The following AATK variants were observed in gnomAD, a reference collection of about 807,000 sequenced individuals.
The protein encoded by AATK is lemur tail kinase 1.
AATK carries 91 observed loss-of-function variants against 114.3 expected under a neutral mutation model. That is an observed-to-expected ratio of 0.80 (90% CI 0.67 to 0.95). AATK has a LOEUF of 0.95. Ranked by LOEUF, AATK falls within the 40% of genes least tolerant of loss-of-function variation. AATK has a pLI of 0.00. For missense variants in AATK, 2,176 were observed against 1,965.2 expected (o/e 1.11, Z -2.03); for synonymous variants, 1,075 against 916.5 (o/e 1.17, Z -3.12).
rs1157588366 is a variant in AATK at position 81,117,557 on chromosome 17, AGCCCCCCAACACTGACTGCGGGGCATG to A, written c.*818_*844del. The A allele has an allele frequency of 2.6e-5, 4 of 152,230 alleles. No homozygotes were observed. The highest frequency in any genetic ancestry group is 2.6e-4 in the Admixed American group (4 of 15,280). 9.4% of individuals were successfully genotyped at this position (152,230 alleles called of 1,614,324 possible). A position where few individuals can be genotyped will look rare whatever the true frequency, so the allele number is the denominator to read the frequency against. Reference sequence around the variant, plus strand: ...CACCATCCCTCTCCCTGTAGGTAGGAGCCCCCCAACACTGACTGCGGGGCATGGCCCCCACTCTCCTTTGGCAGCTGG... The same window carrying A: ...CACCATCCCTCTCCCTGTAGGTAGGAGCCCCCACTCTCCTTTGGCAGCTGG... On this transcript the variant is annotated 3_prime_UTR_variant, in exon 14 of 14. Coordinates refer to ENST00000326724, the MANE Select transcript of AATK (RefSeq NM_001080395.3).
intron 1 of AATK, among the ~76,000 whole-genome samples, chr17:81,143,465 CCCCTTGTGTCCACGCAG>C (rs1567821378): frequency 3.0e-4 from 31 of 102,252 alleles, no homozygotes; most frequent in Non-Finnish European, 5.5e-4. Flanking sequence ...GCAGCCCCCA[CCCCTTGTGTCCACGCAG>C]CCCCTGCCTC....
Position 81,120,533 on chromosome 17 carries a change from C to G in AATK, c.3403G>C (p.Gly1135Arg). ...SGPAPQKRMG[G>R]PGTPRAPLRL... ...AGTGGGGCTCTGGGGGTGCCTGGGCCCCCCATCCGCTTTTGTGGGGCCGGC... is the reference window on the plus strand; with the variant it reads ...AGTGGGGCTCTGGGGGTGCCTGGGCGCCCCATCCGCTTTTGTGGGGCCGGC... The change falls in exon 11 of 14, where the codon GGC becomes CGC. Residue 1135 changes from glycine to arginine, a missense_variant. By Grantham distance (125) the Gly-to-Arg change is moderately radical (BLOSUM62 -2). Around this residue, in one of 4 missense-constraint regions of AATK, gnomAD observed 1,701 missense variants for 1,394.7 expected, o/e 1.22. Transcript: ENST00000326724. 1 of 1,483,368 alleles carries G rather than the reference C, an allele frequency of 6.7e-7. No individual in the cohort carries two copies. Among genetic ancestry groups the G allele is most frequent in the Non-Finnish European group, 9.0e-7 (1 of 1,116,096 alleles). 91.9% of individuals were successfully genotyped at this position (1,483,368 alleles called of 1,614,324 possible). A position where few individuals can be genotyped will look rare whatever the true frequency, so the allele number is the denominator to read the frequency against.
rs2060714201 is a variant in AATK, at chr17:81,122,620, A to ACCACGCCGCCCAGCATGGG, written c.1297_1315dup (p.Val439AlafsTer46). ...GAAGGACGAGGCAGCGGCGAGCTCC[A>ACCACGCCGCCCAGCATGGG]CCACGCCGCCCAGCATGGGCCCCGC... is the stretch of plus-strand genomic sequence containing the variant. On this transcript the variant is annotated frameshift_variant, in exon 11 of 14. Coordinates refer to ENST00000326724, the MANE Select transcript of AATK (RefSeq NM_001080395.3). LOFTEE classifies it high-confidence loss of function. 1.4e-6 allele frequency: 2 copies of ACCACGCCGCCCAGCATGGG among 1,419,242 alleles called. No homozygotes were observed. Among genetic ancestry groups the ACCACGCCGCCCAGCATGGG allele is most frequent in the African/African-American group, 1.5e-5 (1 of 65,920 alleles). 87.9% of individuals were successfully genotyped at this position (1,419,242 alleles called of 1,614,324 possible).
intron 1 of AATK, among the ~76,000 whole-genome samples, chr17:81,149,863 C>A (rs1383055759): frequency 6.6e-6 from 1 of 152,204 alleles, no homozygotes; most frequent in Non-Finnish European, 1.5e-5. Context: ...CTCAGTTTCC[C>A]CAGTCTACCT....
chr17:81,119,311 GC>G, intron 13 of AATK, 68 bp downstream of exon 13: 1 of 1,311,592 alleles, frequency 7.6e-7, no homozygotes, highest in South Asian at 1.5e-5. Context: ...AGACGGAGGG[GC>G]CCCACCCTCG....
At chr17:81,125,828 T>A (rs780724721) in intron 7 of AATK, 11 of 444,902 alleles carry the variant, frequency 2.5e-5, no homozygotes, top group Admixed American at 4.9e-5. Context: ...TGGGTTGGGG[T>A]TGGGGGCAGG....
rs35528774 is a variant in AATK, at chr17:81,146,150, T to C, written c.56-11649A>G. Among the ~76,000 whole-genome samples the C allele has an allele frequency of 2.9e-3, 422 of 145,700 alleles. 4 individuals are homozygous for C. In the East Asian group the frequency reaches 0.049, roughly 17 times the overall value. ...GTTGCAGTGAGCCAAGATCACACCA[T>C]TGTACTCCAGCCTAGGCAAGAGAGC... On this transcript the variant is annotated intron_variant, in intron 1 of 13. Transcript: ENST00000326724.
At chr17:81,124,555 T>C in intron 9 of AATK, among the ~76,000 whole-genome samples, 172 bp downstream of exon 9, 1 of 152,178 alleles carries the variant, frequency 6.6e-6, no homozygotes, top group East Asian at 1.9e-4. Flanking sequence ...CAGGGTGGTA[T>C]CTCCCCCGGT....
intron 7 of AATK, chr17:81,125,247 T>C (rs1226766625): frequency 1.4e-6 from 1 of 719,190 alleles, no homozygotes; most frequent in South Asian, 1.5e-5. Context: ...GGGGAGGGAC[T>C]GTGTGCGTGG....
chr17:81,125,648 C>A (rs1048907489), intron 7 of AATK, among the ~76,000 whole-genome samples: 1 of 152,158 alleles, frequency 6.6e-6, no homozygotes. Flanking sequence ...TGTGAGGAGG[C>A]ACAGGGTACT....
intron 1 of AATK, among the ~76,000 whole-genome samples, chr17:81,150,854 C>T (rs1391431028): frequency 6.6e-6 from 1 of 152,196 alleles, no homozygotes; most frequent in East Asian, 1.9e-4. Context: ...AAACAGGATC[C>T]CGTGCAGGAA....
chr17:81,150,517 T>C (rs1352759530), intron 1 of AATK, among the ~76,000 whole-genome samples: 1 of 150,072 alleles, frequency 6.7e-6, no homozygotes, highest in Admixed American at 6.7e-5. Context: ...ATGCCCCCTC[T>C]GGGAAGCCGC....
At position 81,122,434 on chromosome 17, in the gene AATK, C is replaced by A; in HGVS notation, c.1502G>T (p.Arg501Leu). 1 of 1,453,956 alleles carries A rather than the reference C, an allele frequency of 6.9e-7. No individual in the cohort carries two copies. Among genetic ancestry groups the A allele is most frequent in the Non-Finnish European group, 9.1e-7 (1 of 1,104,100 alleles). The allele number at this position is 1,453,956 out of a possible 1,614,324, so 90.1% of individuals were successfully genotyped here. A position where few individuals can be genotyped will look rare whatever the true frequency, so the allele number is the denominator to read the frequency against. The change falls in exon 11 of 14, where the codon CGC (arginine) becomes CTC (leucine). Residue 501 changes from arginine to leucine, a missense_variant. Physicochemically the swap from Arg to Leu is moderately radical, Grantham distance 102. Coordinates refer to ENST00000326724, the MANE Select transcript of AATK (RefSeq NM_001080395.3). The stretch of plus-strand genomic sequence containing the variant: ...GTCGGGGGCGCACAGCTCCTGCAGG[C>A]GTGCGGTGCGGCCAGGGCTCAGCGT... ...PATLSPGRTA[R>L]LQELCAPDGA...
chr17:81,124,773 G>A lies in AATK; in HGVS notation c.916C>T (p.His306Tyr). Residue 306 changes from histidine to tyrosine, a missense_variant, in exon 9 of 14, where the codon CAT becomes TAT. Transcript: ENST00000326724. Reference sequence around the variant, plus strand: ...TGGTCCACGACGAGCAGGTTGCTATGCACCTCGTCCACCAGCTCTGGCGCG... The same window carrying A: ...TGGTCCACGACGAGCAGGTTGCTATACACCTCGTCCACCAGCTCTGGCGCG... ...WIAPELVDEVHSNLLVVDQTK... is the reference protein window; with the variant it reads ...WIAPELVDEVYSNLLVVDQTK... 1.2e-6 allele frequency: 2 copies of A among 1,612,932 alleles called. No homozygotes were observed. Among genetic ancestry groups the A allele is most frequent in the Non-Finnish European group, 1.7e-6 (2 of 1,179,818 alleles).
intron 1 of AATK, among the ~76,000 whole-genome samples, chr17:81,137,967 C>T (rs2061041764): frequency 6.6e-6 from 1 of 151,812 alleles, no homozygotes. Context: ...CATCCACACA[C>T]ACGCAGACAC....
chr17:81,148,498 C>T (rs553562127), intron 1 of AATK, among the ~76,000 whole-genome samples: 6 of 152,270 alleles, frequency 3.9e-5, no homozygotes, highest in Non-Finnish European at 8.8e-5. Context: ...TCACAGGGAA[C>T]GTCCGCTGGA....
chr17:81,157,546 G>A (rs1598221757), intron 1 of AATK, among the ~76,000 whole-genome samples: 2 of 152,232 alleles, frequency 1.3e-5, no homozygotes, highest in Middle Eastern at 3.4e-3. Context: ...CCTGCCCCTC[G>A]ACAGCCAACC....
rs2060938230 is a variant in AATK at position 81,131,871 on chromosome 17, CA to C, written c.190-667del. ...TCCTGGATGTCTGGGAGCCCAGAGCCAACCGGCCACCTTTACCCTGGGCAGC... is the reference window on the plus strand; with the variant it reads ...TCCTGGATGTCTGGGAGCCCAGAGCCACCGGCCACCTTTACCCTGGGCAGC... On this transcript the variant is annotated intron_variant, in intron 2 of 13. Coordinates refer to ENST00000326724, the MANE Select transcript of AATK (RefSeq NM_001080395.3). The C allele has an allele frequency of 3.1e-6, 4 of 1,311,112 alleles. No individual in the cohort carries two copies. The African/African-American group carries it at 4.5e-5, about 15-fold the overall frequency. 81.2% of individuals were successfully genotyped at this position (1,311,112 alleles called of 1,614,324 possible).
intron 13 of AATK, among the ~76,000 whole-genome samples, 195 bp downstream of exon 13, chr17:81,119,178 TGAGGGTC>T (rs2060635574): frequency 1.3e-5 from 1 of 76,430 alleles, no homozygotes; most frequent in Non-Finnish European, 2.8e-5. Context: ...GAGGGTCAGG[TGAGGGTC>T]AGGTGAGGGC....
Sources: gnomAD v4.1 joint callset for allele counts (sites outside exome capture counted in the v4.1 genomes callset) on GRCh38, gnomAD v4.1.1 for gene constraint, gnomAD v4.1.1 regional missense constraint, MANE v1.5 for transcripts, NCBI Gene and HGNC (gene_info 2026-07-23, HGNC 2026-07-21) for gene names.